The following DCLK1 variants were observed in gnomAD, a reference collection of about 807,000 sequenced individuals.
DCLK1 encodes serine/threonine-protein kinase DCLK1.
DCLK1 carries 16 observed loss-of-function variants against 86.2 expected under a neutral mutation model. That is an observed-to-expected ratio of 0.19 (90% CI 0.13 to 0.28). The LOEUF (loss-of-function observed/expected upper bound fraction) is 0.28, where lower values mean the gene tolerates loss of function less well. Among genes scored for constraint, DCLK1 ranks in the 10% least tolerant of loss-of-function variants. DCLK1 has a pLI of 1.00. For missense variants in DCLK1, 590 were observed against 940.2 expected, an observed-to-expected ratio of 0.63 and a Z score of 4.87; for synonymous variants, 369 against 370.5, an observed-to-expected ratio of 1.00 and a Z score of 0.05.
At chr13:35,998,186 G>A (rs1880555091) in intron 3 of DCLK1, among the ~76,000 whole-genome samples, 1 of 152,006 alleles carries the variant, frequency 6.6e-6, no homozygotes, top group Admixed American at 6.6e-5. Context: ...AGTCTTAGAA[G>A]AAAAATTGAC....
Position 35,907,364 on chromosome 13 carries a change from T to C in DCLK1, c.824-36024A>G, listed in dbSNP as rs574457489. Among the ~76,000 whole-genome samples the C allele has an allele frequency of 4.6e-5, 7 of 152,262 alleles. No individual in the cohort carries two copies. In the South Asian group the frequency reaches 8.3e-4, roughly 18 times the overall value. On this transcript the variant is annotated intron_variant, in intron 4 of 16. Transcript: ENST00000360631. ...TTTTTGTAGAGACAGGTTCTTGCTATGTTTTCCAGGCTGGTCTCGAACTCC... is the reference window on the plus strand; with the variant it reads ...TTTTTGTAGAGACAGGTTCTTGCTACGTTTTCCAGGCTGGTCTCGAACTCC...
At chr13:35,824,088 T>C (rs974386940) in intron 10 of DCLK1, among the ~76,000 whole-genome samples, 6 of 152,232 alleles carry the variant, frequency 3.9e-5, no homozygotes, top group African/African-American at 1.4e-4. Flanking sequence ...ACAGCACCCC[T>C]GGAGTTCCAC....
At position 35,824,523 on chromosome 13, in the gene DCLK1, G is replaced by A. The variant is rs144486846; in HGVS notation, c.1408-1648C>T. 7.2e-4 allele frequency among the ~76,000 whole-genome samples: 109 copies of A among 151,958 alleles called. 1 individual carries two copies. Among genetic ancestry groups the A allele is most frequent in the African/African-American group, 2.6e-3 (106 of 41,450 alleles). ...AACAATGCAGTCAACAGGTCTTATC[G>A]GTCCTTTCTTGGACACGTTTTTCCT... is the stretch of plus-strand genomic sequence containing the variant. On this transcript the variant is annotated intron_variant, in intron 10 of 16. Transcript: ENST00000360631.
At chr13:35,886,449 G>A (rs1873254437) in intron 4 of DCLK1, among the ~76,000 whole-genome samples, 1 of 152,144 alleles carries the variant, frequency 6.6e-6, no homozygotes, top group Non-Finnish European at 1.5e-5. Context: ...TTGGGAGATT[G>A]CAGAAATATC....
intron 2 of DCLK1, among the ~76,000 whole-genome samples, chr13:36,116,064 C>T (rs1469361861): frequency 6.6e-6 from 1 of 151,662 alleles, no homozygotes; most frequent in Admixed American, 6.6e-5. Context: ...ATTCTCCTGC[C>T]TCAGCCTCCT....
At chr13:35,934,509 G>A (rs1313189939) in intron 4 of DCLK1, among the ~76,000 whole-genome samples, 3 of 152,218 alleles carry the variant, frequency 2.0e-5, no homozygotes, top group Non-Finnish European at 4.4e-5. Context: ...CAGGCAAAGA[G>A]AGAGTGAAGA....
At chr13:35,954,441 C>T (rs1877869143) in intron 3 of DCLK1, among the ~76,000 whole-genome samples, 1 of 152,080 alleles carries the variant, frequency 6.6e-6, no homozygotes, top group Non-Finnish European at 1.5e-5. Context: ...ATTTTTATGC[C>T]ACATGATATT....
intron 11 of DCLK1, among the ~76,000 whole-genome samples, chr13:35,814,661 T>A (rs2087228908): frequency 6.6e-6 from 1 of 152,232 alleles, no homozygotes; most frequent in South Asian, 2.1e-4. Flanking sequence ...AGGTATGATT[T>A]AATGTTCATC....
intron 4 of DCLK1, among the ~76,000 whole-genome samples, chr13:35,896,589 T>C (rs1181478323): frequency 5.4e-5 from 2 of 36,850 alleles, no homozygotes; most frequent in South Asian, 2.0e-3. Context: ...ACTTGATATA[T>C]AGAAAAAAAA....
chr13:36,100,179 C>CAAAAAAAAAAAA lies in DCLK1; in HGVS notation c.723+11678_723+11689dup, dbSNP rs58824322. ...ACAACAGGGCAAAACCCTGTCTCTA[C>CAAAAAAAAAAAA]AAAAAAAAAAAAAAAAAAAAAAAAA... On this transcript the variant is annotated intron_variant, in intron 3 of 16. Transcript: ENST00000360631. Among the ~76,000 whole-genome samples the CAAAAAAAAAAAA allele has an allele frequency of 6.1e-4, 23 of 37,702 alleles. 2 individuals are homozygous for CAAAAAAAAAAAA. Among genetic ancestry groups the CAAAAAAAAAAAA allele is most frequent in the Admixed American group, 1.7e-3 (3 of 1,786 alleles). 24.7% of individuals were successfully genotyped at this position (37,702 alleles called of 152,430 possible).
Position 36,126,151 on chromosome 13 carries a change from T to C in DCLK1, c.-14A>G, listed in dbSNP as rs147116553. ...GCCGAAGGACATGATGGACTTCAAG[T>C]AGGACCTACGAGCCCCAGAAACAAA... On this transcript the variant is annotated 5_prime_UTR_variant, in exon 2 of 17. Coordinates refer to ENST00000360631, the MANE Select transcript of DCLK1 (RefSeq NM_001330071.2). 3.8e-5 allele frequency: 60 copies of C among 1,564,974 alleles called. No individual in the cohort carries two copies. In the East Asian group the frequency reaches 1.3e-3, roughly 35 times the overall value.
At chr13:36,069,001 C>T (rs1467491126) in intron 3 of DCLK1, among the ~76,000 whole-genome samples, 1 of 152,178 alleles carries the variant, frequency 6.6e-6, no homozygotes, top group Non-Finnish European at 1.5e-5. Context: ...AATATAATGT[C>T]ACTTTAGCAT....
chr13:35,818,307 G>A (rs1481587805), intron 11 of DCLK1, among the ~76,000 whole-genome samples: 8 of 152,184 alleles, frequency 5.3e-5, no homozygotes, highest in South Asian at 2.1e-4. Flanking sequence ...ATGTTATCTT[G>A]TGAGCATGGA....
rs773960868 is a variant in DCLK1, at chr13:36,013,120, T to C, written c.724-65663A>G. On this transcript the variant is annotated intron_variant, in intron 3 of 16. Transcript: ENST00000360631. ...TTCTCTGTATTGGTTATTCTAGTTA[T>C]ACATTCTTCTAAATTTTTTTCAAAG... 8.6e-3 allele frequency among the ~76,000 whole-genome samples: 1,002 copies of C among 116,116 alleles called. 6 individuals carry two copies. The highest frequency in any genetic ancestry group is 0.025 in the Middle Eastern group (6 of 238). The allele number at this position is 116,116 out of a possible 152,430, so 76.2% of individuals were successfully genotyped here.
At chr13:36,008,200 T>TTTA (rs1183033350) in intron 3 of DCLK1, among the ~76,000 whole-genome samples, 18 of 13,858 alleles carry the variant, frequency 1.3e-3, no homozygotes, top group East Asian at 6.4e-3. Context: ...ACAGAGCTAT[T>TTTA]TTATTATTAT....
intron 4 of DCLK1, among the ~76,000 whole-genome samples, chr13:35,933,885 C>T (rs1876605703): frequency 6.6e-6 from 1 of 152,232 alleles, no homozygotes; most frequent in South Asian, 2.1e-4. Flanking sequence ...AATTTCTCCT[C>T]AGAAAATGAT....
chr13:35,886,007 C>CTTTT (rs10589320), intron 4 of DCLK1, among the ~76,000 whole-genome samples: 9 of 130,722 alleles, frequency 6.9e-5, no homozygotes, highest in East Asian at 2.1e-4. Context: ...GAATAGGTTC[C>CTTTT]TTTTTTTTTT....
chr13:35,930,855 C>T (rs940300893), intron 4 of DCLK1, among the ~76,000 whole-genome samples: 1 of 152,186 alleles, frequency 6.6e-6, no homozygotes, highest in Non-Finnish European at 1.5e-5. Context: ...ATGAGTCAAA[C>T]ATTTTCTTTG....
intron 3 of DCLK1, among the ~76,000 whole-genome samples, chr13:36,109,851 T>C (rs901414860): frequency 7.9e-5 from 12 of 152,222 alleles, no homozygotes. Context: ...TATCAAATAT[T>C]AATTCTAGAC....
Sources: gnomAD v4.1 joint callset for allele counts (sites outside exome capture counted in the v4.1 genomes callset) on GRCh38, gnomAD v4.1.1 for gene constraint, MANE v1.5 for transcripts, NCBI Gene and HGNC (gene_info 2026-07-23, HGNC 2026-07-21) for gene names.